The following NBPF20 variants were observed in gnomAD, a reference collection of about 807,000 sequenced individuals.
The protein encoded by NBPF20 is NBPF family member NBPF20.
A neutral mutation model predicts 68.1 loss-of-function variants in NBPF20; 90 were observed. That is an observed-to-expected ratio of 1.32 (90% CI 1.11 to 1.58). NBPF20 has a LOEUF of 1.58. NBPF20 is among the 40% of genes most tolerant of loss of function. The pLI, the probability that NBPF20 is intolerant of heterozygous loss-of-function variation, is 0.00. For missense variants in NBPF20, 816 were observed against 601.2 expected (o/e 1.36, Z -3.74); for synonymous variants, 290 against 228.1 (o/e 1.27, Z -2.45).
upstream of NBPF20, among the ~76,000 whole-genome samples, chr1:145,407,333 G>A (rs1223968112): frequency 7.0e-6 from 1 of 143,330 alleles, no homozygotes; most frequent in African/African-American, 2.6e-5. Flanking sequence ...TGTAAATGAC[G>A]AGTTAATGGG....
chr1:145,291,522 C>G (rs782514570), exon 138 of NBPF20: 1 of 1,611,994 alleles, frequency 6.2e-7, no homozygotes, highest in East Asian at 2.2e-5. Context: ...TTAGTAAGGG[C>G]TGTTTATTGT....
chr1:145,400,729 G>T (rs1662484828), intron 5 of NBPF20, 135 bp from the exon 11 acceptor site: 2 of 1,417,996 alleles, frequency 1.4e-6, no homozygotes, highest in South Asian at 2.3e-5. Flanking sequence ...CCCATTAAGG[G>T]GGAACATGCA....
At chr1:145,423,996 G>A in the NBPF20 span, among the ~76,000 whole-genome samples, 5 of 144,830 alleles carry the variant, frequency 3.5e-5, no homozygotes. Context: ...TTTTTTTGGA[G>A]ACAGGGTCTC....
the NBPF20 span, among the ~76,000 whole-genome samples, chr1:145,412,220 C>T: frequency 1.3e-5 from 2 of 152,058 alleles, no homozygotes; most frequent in East Asian, 1.9e-4. Flanking sequence ...GTTCCTCTGG[C>T]TCTGATATTC....
chr1:145,406,213 C>T (rs1240248897), upstream of NBPF20, among the ~76,000 whole-genome samples: 21 of 151,106 alleles, frequency 1.4e-4, no homozygotes, highest in Non-Finnish European at 2.8e-4. Context: ...GGATTACAGG[C>T]GTGAGCCACC....
exon 6 of NBPF20, chr1:145,400,582 C>T (rs1160107272): frequency 2.5e-6 from 4 of 1,611,790 alleles, no homozygotes; most frequent in Non-Finnish European, 3.4e-6. Flanking sequence ...TTTCTTCAGC[C>T]TTCTGCATCT....
exon 6 of NBPF20, chr1:145,400,499 T>A (rs1228167302): frequency 5.3e-5 from 86 of 1,612,962 alleles, no homozygotes; most frequent in Non-Finnish European, 6.9e-5. Flanking sequence ...ATGTGGCTGG[T>A]TGGAGTCATA....
chr1:145,292,647 T>C (rs587746615), intron 136 of NBPF20, among the ~76,000 whole-genome samples, 158 bp from the exon 142 acceptor site: 2 of 148,306 alleles, frequency 1.3e-5, no homozygotes, highest in South Asian at 2.1e-4. Flanking sequence ...CTGTTCATGA[T>C]AGAACTTCCT....
At chr1:145,402,592 A>G (rs1352641162) in intron 3 of NBPF20, among the ~76,000 whole-genome samples, 21 of 152,006 alleles carry the variant, frequency 1.4e-4, no homozygotes, top group Non-Finnish European at 2.5e-4. Flanking sequence ...AAGATCCTCG[A>G]TGATGTTCCA....
chr1:145,292,549 T>A, intron 136 of NBPF20, 60 bp from the exon 142 acceptor site: 1 of 706,484 alleles, frequency 1.4e-6, no homozygotes, highest in Non-Finnish European at 2.5e-6. Context: ...CACATAACAA[T>A]CCACTGTCTA....
At chr1:145,292,647 T>G (rs587746615) in intron 136 of NBPF20, among the ~76,000 whole-genome samples, 158 bp from the exon 142 acceptor site, 14 of 148,404 alleles carry the variant, frequency 9.4e-5, no homozygotes, top group Admixed American at 2.0e-4. Flanking sequence ...CTGTTCATGA[T>G]AGAACTTCCT....
chr1:145,291,697 A>G (rs587632360), exon 138 of NBPF20: 157 of 1,611,958 alleles, frequency 9.7e-5, no homozygotes, highest in Non-Finnish European at 1.2e-4. Context: ...ACATTGACGG[A>G]GTAGAATAAC....
chr1:145,409,948 G>C (rs1553668576), upstream of NBPF20, among the ~76,000 whole-genome samples: 1 of 151,894 alleles, frequency 6.6e-6, no homozygotes, highest in Non-Finnish European at 1.5e-5. Context: ...CAGTTCATCT[G>C]TGTCTCGTTA....
rs1356296760 is a variant in NBPF20 at position 145,404,484 on chromosome 1, C to G, written c.175+614G>C. Among the ~76,000 whole-genome samples the G allele has an allele frequency of 1.4e-4, 21 of 152,106 alleles. No homozygotes were observed. The East Asian group carries it at 1.7e-3, about 13-fold the overall frequency. On this transcript the variant is annotated intron_variant, in intron 2 of 137. Transcript: ENST00000369373. ...ATGTTGCCCAGGCTAGTCTCAAACT[C>G]CTGACCTCGTGCTCTGCCCGCCTCA...
At chr1:145,377,646 G>C (rs1661821714) in intron 29 of NBPF20, among the ~76,000 whole-genome samples, 2 of 141,802 alleles carry the variant, frequency 1.4e-5, no homozygotes, top group Non-Finnish European at 3.1e-5. Flanking sequence ...GGGAGGGAGA[G>C]AGAGAGAGAG....
At chr1:145,409,667 G>C (rs1190147494), upstream of NBPF20, among the ~76,000 whole-genome samples, 9 of 150,550 alleles carry the variant, frequency 6.0e-5, no homozygotes, top group African/African-American at 2.0e-4. Context: ...CTGTGATTTA[G>C]CAGGAGACAA....
chr1:145,393,259 GA>G lies in NBPF20; in HGVS notation c.1044-14del. The G allele has an allele frequency of 1.6e-6, 1 of 643,992 alleles. No individual in the cohort carries two copies. The highest frequency in any genetic ancestry group is 1.8e-5 in the South Asian group (1 of 56,642). 39.9% of individuals were successfully genotyped at this position (643,992 alleles called of 1,614,324 possible). A position where few individuals can be genotyped will look rare whatever the true frequency, so the allele number is the denominator to read the frequency against. On this transcript the variant is annotated splice_polypyrimidine_tract_variant and intron_variant, in intron 9 of 137. Transcript: ENST00000369373. ...CTCCCTGCTGAGCCTGGAAAAGTGG[GA>G]AAAAGTAAAGAATAAGCCAGGGGGA...
chr1:145,292,426 C>G, exon 137 of NBPF20: 1 of 701,288 alleles, frequency 1.4e-6, no homozygotes, highest in Non-Finnish European at 2.5e-6. Flanking sequence ...TTTTCTTCCC[C>G]TTCTTCTTTT....
intron 112 of NBPF20, among the ~76,000 whole-genome samples, chr1:145,311,873 G>A (rs1168693307): frequency 5.3e-5 from 6 of 112,466 alleles, no homozygotes; most frequent in Non-Finnish European, 7.2e-5. Context: ...TTTAGATGCT[G>A]AAATTAGAGT....
Sources: gnomAD v4.1 joint callset for allele counts (sites outside exome capture counted in the v4.1 genomes callset) on GRCh38, gnomAD v4.1.1 for gene constraint, MANE v1.5 for transcripts, NCBI Gene and HGNC (gene_info 2026-07-23, HGNC 2026-07-21) for gene names.